Variants in RNF144B observed in about 807,000 individuals in gnomAD.
RNF144B encodes the protein E3 ubiquitin-protein ligase RNF144B.
RNF144B carries 25 observed loss-of-function variants against 40.2 expected under a neutral mutation model. That is an observed-to-expected ratio of 0.62 (90% CI 0.45 to 0.87). The LOEUF (loss-of-function observed/expected upper bound fraction) is 0.87. Ranked by LOEUF, RNF144B falls within the 40% of genes least tolerant of loss-of-function variation. The pLI, the probability that RNF144B is intolerant of heterozygous loss-of-function variation, is 0.00. For synonymous variants in RNF144B, 145 were observed against 136.3 expected, an observed-to-expected ratio of 1.06 and a Z score of -0.44; for missense variants, 365 against 373.7, an observed-to-expected ratio of 0.98 and a Z score of 0.19.
intron 3 of RNF144B, among the ~76,000 whole-genome samples, chr6:18,433,539 C>G (rs1758743200): frequency 6.6e-6 from 1 of 152,084 alleles, no homozygotes; most frequent in South Asian, 2.1e-4. Context: ...GGATATGTCC[C>G]TTTTTACTTA....
chr6:18,426,976 TTGTCTTTGGGATAA>T (rs1275356432), intron 2 of RNF144B, among the ~76,000 whole-genome samples: 1 of 152,204 alleles, frequency 6.6e-6, no homozygotes, highest in East Asian at 1.9e-4. Flanking sequence ...TGAGGTCTCA[TTGTCTTTGGGATAA>T]TGTCTTTGGG....
At chr6:18,433,797 G>A (rs1758750622) in intron 3 of RNF144B, among the ~76,000 whole-genome samples, 1 of 152,162 alleles carries the variant, frequency 6.6e-6, no homozygotes, top group Admixed American at 6.5e-5. Context: ...CAGCTTGTTA[G>A]TTTCACTCAG....
rs898199660 is a variant in RNF144B at position 18,400,419 on chromosome 6, A to G, written c.165+720A>G. 6.6e-6 allele frequency among the ~76,000 whole-genome samples: 1 copy of G among 152,224 alleles called. No individual in the cohort carries two copies. Among genetic ancestry groups the G allele is most frequent in the Non-Finnish European group, 1.5e-5 (1 of 68,040 alleles). ...TATACTTGTTCATCTTCTACAATGT[A>G]CATGATATAAATTGTACTTTGTCAT... On this transcript the variant is annotated intron_variant, in intron 2 of 7. Transcript: ENST00000259939. This position sits in a 1 kb window ranked among gnomAD's most constrained non-coding sequence, Gnocchi z 5.6.
chr6:18,423,173 A>T (rs1207961032), intron 2 of RNF144B, among the ~76,000 whole-genome samples: 1 of 151,776 alleles, frequency 6.6e-6, no homozygotes, highest in Non-Finnish European at 1.5e-5. Flanking sequence ...TGAATGGGGG[A>T]CTCTCCATTT....
chr6:18,454,035 G>A (rs1759274876), intron 4 of RNF144B, among the ~76,000 whole-genome samples: 1 of 152,172 alleles, frequency 6.6e-6, no homozygotes, highest in Admixed American at 6.5e-5. Context: ...TGTTTTTAAT[G>A]AAAACACAAA....
At chr6:18,394,646 C>T (rs948022071) in intron 1 of RNF144B, among the ~76,000 whole-genome samples, 14 of 152,044 alleles carry the variant, frequency 9.2e-5, no homozygotes, top group Non-Finnish European at 1.8e-4. Flanking sequence ...TGTTGGCTCT[C>T]CCATCATTTG....
chr6:18,409,864 C>G (rs1209866026), intron 2 of RNF144B, among the ~76,000 whole-genome samples: 2 of 152,152 alleles, frequency 1.3e-5, no homozygotes, highest in Non-Finnish European at 2.9e-5. Context: ...GCCACTGCGC[C>G]CCGGCCTACA....
intron 1 of RNF144B, among the ~76,000 whole-genome samples, chr6:18,389,073 G>A (rs993576063): frequency 2.6e-5 from 4 of 152,044 alleles, no homozygotes; most frequent in Non-Finnish European, 5.9e-5. Context: ...TGGAAGTCGG[G>A]CTTGAGTGTG....
intron 2 of RNF144B, among the ~76,000 whole-genome samples, chr6:18,409,580 T>TTTTTTA (rs1554173755): frequency 7.2e-6 from 1 of 139,270 alleles, no homozygotes. Flanking sequence ...TTTTTTTTTT[T>TTTTTTA]ACTTTTTGAG....
At chr6:18,449,955 G>A (rs1434353408) in intron 4 of RNF144B, among the ~76,000 whole-genome samples, 3 of 152,172 alleles carry the variant, frequency 2.0e-5, no homozygotes, top group Non-Finnish European at 1.5e-5. Context: ...AGAGAAAGTA[G>A]ATGGAAAAAC....
chr6:18,411,476 TA>T (rs1795034648), intron 2 of RNF144B, among the ~76,000 whole-genome samples: 1 of 43,870 alleles, frequency 2.3e-5, no homozygotes, highest in African/African-American at 8.7e-5. Context: ...TATATATATA[TA>T]TATATATATA....
chr6:18,429,088 C>T (rs1162343231), intron 3 of RNF144B, among the ~76,000 whole-genome samples: 1 of 152,076 alleles, frequency 6.6e-6, no homozygotes, highest in African/African-American at 2.4e-5. Context: ...GTCCCAGCTA[C>T]TCTGGAGGCT....
At chr6:18,399,040 C>A (rs1794744891) in intron 1 of RNF144B, among the ~76,000 whole-genome samples, 1 of 152,146 alleles carries the variant, frequency 6.6e-6, no homozygotes, top group Non-Finnish European at 1.5e-5. Flanking sequence ...ATGCTTAAAT[C>A]AAGCTAATGA....
chr6:18,427,649 G>T lies in RNF144B; in HGVS notation c.234G>T (p.Met78Ile). Residue 78 changes from methionine to isoleucine, a missense_variant, in exon 3 of 8, where the codon ATG (methionine) becomes ATT (isoleucine). Met to Ile is a conservative substitution (Grantham distance 10). Transcript: ENST00000259939. ...GGTCTCCCATCACTTGCCCTGACAT[G>T]GTGTGCCTAAACCACGGGACCCTGC... ...GCGSPITCPD[M>I]VCLNHGTLQE... is the part of the protein sequence containing the mutation. 1.2e-6 allele frequency: 2 copies of T among 1,613,548 alleles called. No homozygotes were observed. Among genetic ancestry groups the T allele is most frequent in the Non-Finnish European group, 1.7e-6 (2 of 1,179,670 alleles).
Position 18,464,849 on chromosome 6 carries a change from A to C in RNF144B, c.772-78A>C. 7.2e-7 allele frequency: 1 copy of C among 1,396,788 alleles called. No homozygotes were observed. Among genetic ancestry groups the C allele is most frequent in the Non-Finnish European group, 1.0e-6 (1 of 996,830 alleles). 86.5% of individuals were successfully genotyped at this position (1,396,788 alleles called of 1,614,324 possible). A position where few individuals can be genotyped will look rare whatever the true frequency, so the allele number is the denominator to read the frequency against. On this transcript the variant is annotated intron_variant, in intron 7 of 7. Transcript: ENST00000259939. The surrounding 1 kb of genome is among the most constrained non-coding windows in gnomAD (Gnocchi z 6.1). Reference sequence around the variant, plus strand: ...GGGACACAAACATTTGGCCCACAGCAGATAACAGTATAGTTGGAATAAGTA... The same window carrying C: ...GGGACACAAACATTTGGCCCACAGCCGATAACAGTATAGTTGGAATAAGTA...
At chr6:18,420,938 C>G (rs907866896) in intron 2 of RNF144B, among the ~76,000 whole-genome samples, 1 of 152,088 alleles carries the variant, frequency 6.6e-6, no homozygotes, top group African/African-American at 2.4e-5. Flanking sequence ...AATAATTATA[C>G]AAACTTAATA....
At position 18,400,172 on chromosome 6, in the gene RNF144B, C is replaced by T. The variant is rs1562040477; in HGVS notation, c.165+473C>T. On this transcript the variant is annotated intron_variant, in intron 2 of 7. Transcript: ENST00000259939. The surrounding 1 kb of genome is among the most constrained non-coding windows in gnomAD (Gnocchi z 5.6). ...CCTGTAGTCCCAGCTACTCGGGAGG[C>T]GGAGGCAGGAGAATGGCGTGAACCT... Among the ~76,000 whole-genome samples, 1 of 151,230 alleles carries T rather than the reference C, an allele frequency of 6.6e-6. No homozygotes were observed. Among genetic ancestry groups the T allele is most frequent in the Admixed American group, 6.6e-5 (1 of 15,134 alleles).
At chr6:18,389,013 C>T (rs1345890690) in intron 1 of RNF144B, among the ~76,000 whole-genome samples, 1 of 152,100 alleles carries the variant, frequency 6.6e-6, no homozygotes. Flanking sequence ...AAAAAACCCC[C>T]CAAAACCCCA....
intron 2 of RNF144B, among the ~76,000 whole-genome samples, chr6:18,427,249 A>G (rs962264454): frequency 7.8e-6 from 1 of 127,694 alleles, no homozygotes; most frequent in African/African-American, 2.6e-5. Context: ...TGGAATTAGG[A>G]ACTCATATTT....
Sources: allele counts gnomAD v4.1 joint callset (sites outside exome capture counted in the v4.1 genomes callset), GRCh38; gene constraint gnomAD v4.1.1; non-coding constraint Gnocchi (gnomAD v3.1); transcripts MANE v1.5; gene names NCBI Gene and HGNC (gene_info 2026-07-23, HGNC 2026-07-21).